NBN: variants seen among roughly 807,000 people sequenced by gnomAD.
NBN encodes Nijmegen breakage syndrome 1 (nibrin).
A neutral mutation model predicts 90.8 loss-of-function variants in NBN; 88 were observed. That is an observed-to-expected ratio of 0.97 (90% confidence interval 0.82 to 1.16). The LOEUF is 1.16. NBN is among the 50% of genes most tolerant of loss of function. NBN has a pLI of 0.00. For synonymous variants in NBN, 328 were observed against 295.1 expected (o/e 1.11, Z -1.14); for missense variants, 894 against 869.6 (o/e 1.03, Z -0.35).
At chr8:89,976,724 TGGGTCA>T (rs906209165) in intron 5 of NBN, among the ~76,000 whole-genome samples, 3 of 152,224 alleles carry the variant, frequency 2.0e-5, no homozygotes, top group Non-Finnish European at 4.4e-5. Flanking sequence ...CATCTGTCGC[TGGGTCA>T]GGGTCTGCGG....
rs955692682 is a variant in NBN, at chr8:89,981,279, T to C, written c.320+96A>G. On this transcript the variant is annotated intron_variant, in intron 3 of 15. Coordinates refer to ENST00000265433, the MANE Select transcript of NBN (RefSeq NM_002485.5). ...ACTGTGCTAAGCAGGAACTAAATTA[T>C]ACTGTTTTAAATTCATTAATCAGAA... The C allele has an allele frequency of 4.7e-5, 64 of 1,350,000 alleles. No individual in the cohort carries two copies. In the Middle Eastern group the frequency reaches 7.4e-4, roughly 16 times the overall value. The allele number at this position is 1,350,000 out of a possible 1,614,324, so 83.6% of individuals were successfully genotyped here. A position where few individuals can be genotyped will look rare whatever the true frequency, so the allele number is the denominator to read the frequency against.
chr8:89,951,137 C>T (rs916708037), intron 11 of NBN, among the ~76,000 whole-genome samples: 10 of 151,606 alleles, frequency 6.6e-5, no homozygotes, highest in African/African-American at 2.4e-4. Flanking sequence ...ACAGCGAAAC[C>T]CCATCTCTAC....
At chr8:89,978,110 C>G in intron 5 of NBN, 110 bp downstream of exon 5, 2 of 989,918 alleles carry the variant, frequency 2.0e-6, no homozygotes, top group Non-Finnish European at 3.1e-6. Flanking sequence ...CGAACTATAA[C>G]ACAGCAACTA....
At chr8:89,964,621 T>C (rs983916477) in intron 7 of NBN, 114 bp from the exon 8 acceptor site, 9 of 1,058,362 alleles carry the variant, frequency 8.5e-6, no homozygotes, top group Admixed American at 4.6e-5. Context: ...TTTTATGGTA[T>C]AGACAGAATT....
At chr8:89,938,259 G>GT (rs1456335089) in intron 14 of NBN, among the ~76,000 whole-genome samples, 1 of 152,126 alleles carries the variant, frequency 6.6e-6, no homozygotes, top group Non-Finnish European at 1.5e-5. Context: ...AACTGCAACT[G>GT]TAAGTGAGAT....
intron 5 of NBN, 142 bp downstream of exon 5, chr8:89,978,078 A>C: frequency 1.3e-6 from 1 of 745,350 alleles, no homozygotes; most frequent in Non-Finnish European, 2.2e-6. Flanking sequence ...CAAACTAACA[A>C]AAAACCTTCC....
At chr8:89,972,489 T>A (rs1437717286) in intron 5 of NBN, among the ~76,000 whole-genome samples, 1 of 152,244 alleles carries the variant, frequency 6.6e-6, no homozygotes, top group Non-Finnish European at 1.5e-5. Flanking sequence ...TTCTATTTAT[T>A]TTACTTTTAA....
At chr8:89,961,610 G>A (rs1427046457) in intron 8 of NBN, among the ~76,000 whole-genome samples, 5 of 152,138 alleles carry the variant, frequency 3.3e-5, no homozygotes, top group Admixed American at 3.3e-4. Context: ...TGATGTTCAA[G>A]GTGAGGAAGT....
chr8:89,967,611 A>G (rs749631276), intron 7 of NBN, among the ~76,000 whole-genome samples: 8 of 152,352 alleles, frequency 5.3e-5, no homozygotes, highest in African/African-American at 1.2e-4. Flanking sequence ...AGGAGGAAAT[A>G]AAGAGAAAAT....
At chr8:89,954,537 A>G (rs1171427538) in intron 10 of NBN, among the ~76,000 whole-genome samples, 1 of 149,348 alleles carries the variant, frequency 6.7e-6, no homozygotes, top group Non-Finnish European at 1.5e-5. Context: ...TATTTTACTA[A>G]AAAAAAAAAA....
Position 89,955,380 on chromosome 8 carries a change from T to A in NBN, c.1300A>T (p.Thr434Ser). 1.2e-6 allele frequency: 2 copies of A among 1,613,810 alleles called. No individual in the cohort carries two copies. The highest frequency in any genetic ancestry group is 2.2e-5 in the South Asian group (2 of 91,064). Residue 434 changes from threonine to serine, a missense_variant, in exon 10 of 16, where the codon ACT becomes TCT. Thr to Ser is a moderately conservative substitution (Grantham distance 58). Transcript: ENST00000265433. The stretch of plus-strand genomic sequence containing the variant: ...CTTTTATTTATACTTGGCAATTTAG[T>A]TGGTGAAAGCTGATAGTTTGGGATT... ...MRIPNYQLSP[T>S]KLPSINKSKD...
chr8:89,975,039 C>A (rs1246428490), intron 5 of NBN, among the ~76,000 whole-genome samples: 5 of 152,204 alleles, frequency 3.3e-5, no homozygotes, highest in African/African-American at 1.2e-4. Flanking sequence ...ACATACAAAT[C>A]TCCTCTATTA....
At chr8:89,944,880 A>G (rs1312745083) in intron 13 of NBN, among the ~76,000 whole-genome samples, 1 of 152,254 alleles carries the variant, frequency 6.6e-6, no homozygotes, top group South Asian at 2.1e-4. Context: ...CAGGCCCAGC[A>G]TGATTTGGAG....
intron 2 of NBN, chr8:89,982,254 A>T (rs1805798): frequency 0.013 from 3,147 of 238,058 alleles, 97 homozygotes; most frequent in African/African-American, 0.068. Context: ...CCATTGCAAA[A>T]ACTTGTATTA....
chr8:89,980,770 A>G lies in NBN; in HGVS notation c.444T>C (p.Thr148=). 1.9e-6 allele frequency: 3 copies of G among 1,613,476 alleles called. No homozygotes were observed. The highest frequency in any genetic ancestry group is 2.5e-6 in the Non-Finnish European group (3 of 1,179,558). The stretch of plus-strand genomic sequence containing the variant: ...CTTTCACTGATACCATGACAAGGTG[A>G]GTGCATTCTTCTGTCCAATTGTTTA... ...FTVNNWTEEC[T]HLVMVSVKVT... is the part of the protein sequence containing the mutation. The change falls in exon 4 of 16, where the codon ACT becomes ACC. Residue 148 remains threonine, a synonymous_variant. Coordinates refer to ENST00000265433, the MANE Select transcript of NBN (RefSeq NM_002485.5).
At chr8:89,975,255 A>C (rs1362232363) in intron 5 of NBN, among the ~76,000 whole-genome samples, 1 of 152,228 alleles carries the variant, frequency 6.6e-6, no homozygotes. Flanking sequence ...TGTATATTTT[A>C]TTGGAAAAAA....
chr8:89,940,769 A>C (rs1232112932), intron 14 of NBN, among the ~76,000 whole-genome samples: 1 of 152,210 alleles, frequency 6.6e-6, no homozygotes, highest in African/African-American at 2.4e-5. Flanking sequence ...ATAATAGAAC[A>C]ATGAAATGAA....
Position 89,937,036 on chromosome 8 carries a change from C to T in NBN, c.2224G>A (p.Asp742Asn), listed in dbSNP as rs746479577. The T allele has an allele frequency of 6.2e-7, 1 of 1,610,844 alleles. No homozygotes were observed. The highest frequency in any genetic ancestry group is 1.1e-5 in the South Asian group (1 of 90,958). The change falls in exon 15 of 16, where the codon GAT becomes AAT. Residue 742 changes from aspartate to asparagine, a missense_variant. Physicochemically the swap from Asp to Asn is conservative, Grantham distance 23. Transcript: ENST00000265433. ...QHAKEESLAD[D>N]LFRYNPYLKR... is the part of the protein sequence containing the mutation. ...TGAATCAAACTTTACCTAAAAAGAT[C>T]ATCAGCAAGAGACTCTTCTTTTGCA...
At chr8:89,936,934 G>A in intron 15 of NBN, 92 bp downstream of exon 15, 1 of 986,878 alleles carries the variant, frequency 1.0e-6, no homozygotes, top group Non-Finnish European at 1.6e-6. Flanking sequence ...TGTCTATGAG[G>A]ACAGAAGAAA....
Sources: allele counts gnomAD v4.1 joint callset (sites outside exome capture counted in the v4.1 genomes callset), GRCh38; gene constraint gnomAD v4.1.1; transcripts MANE v1.5; gene names NCBI Gene and HGNC (gene_info 2026-07-23, HGNC 2026-07-21).